ATP8A1: variants seen among roughly 807,000 people sequenced by gnomAD.
ATP8A1 encodes the protein ATPase phospholipid transporting 8A1, also known as phospholipid-transporting ATPase IA.
Under a neutral mutation model 177.7 loss-of-function variants are expected in ATP8A1, and 90 were observed. The observed-to-expected ratio is 0.51, with a 90% CI of 0.43 to 0.60. The LOEUF (loss-of-function observed/expected upper bound fraction) is 0.60. Ranked by LOEUF, ATP8A1 falls within the 20% of genes least tolerant of loss-of-function variation. The pLI is 0.00. For missense variants in ATP8A1, 1,072 were observed against 1,392.8 expected, an observed-to-expected ratio of 0.77 and a Z score of 3.67; for synonymous variants, 493 against 485.9, an observed-to-expected ratio of 1.01 and a Z score of -0.19.
intron 27 of ATP8A1, among the ~76,000 whole-genome samples, chr4:42,458,623 T>C (rs1043463836): frequency 6.6e-6 from 1 of 152,230 alleles, no homozygotes. Context: ...GGCTGTAATT[T>C]ACAGCAATGG....
intron 27 of ATP8A1, 152 bp from the exon 28 acceptor site, chr4:42,455,751 C>G (rs538423384): frequency 8.1e-6 from 6 of 740,352 alleles, no homozygotes; most frequent in East Asian, 5.5e-5. Context: ...GGTTTACTTT[C>G]TGATTGAAAG....
In ATP8A1 at chr4:42,455,301, G is replaced by A. The variant is rs1560342811; in HGVS notation, c.2813C>T (p.Thr938Ile). The change falls in exon 29 of 37, where the codon ACC becomes ATC. Residue 938 changes from threonine to isoleucine, a missense_variant. By Grantham distance (89) the Thr-to-Ile change is moderately conservative (BLOSUM62 -1). This residue lies in a region of ATP8A1 where 316 missense variants were observed against 459.1 expected (regional missense o/e 0.69). Transcript: ENST00000381668. ...KTSQNALDFN[T>I]KVFWVHCLNG... ...AGCCAGGGCACTGTGTCCTACCTTG[G>A]TGTTGAAGTCCAGGGCATTCTGAGA... is the stretch of plus-strand genomic sequence containing the variant. 6.2e-7 allele frequency: 1 copy of A among 1,613,634 alleles called. No homozygotes were observed. The highest frequency in any genetic ancestry group is 8.5e-7 in the Non-Finnish European group (1 of 1,179,664).
intron 1 of ATP8A1, among the ~76,000 whole-genome samples, chr4:42,635,940 G>A (rs911252944): frequency 4.0e-5 from 6 of 151,374 alleles, no homozygotes; most frequent in African/African-American, 1.5e-4. Flanking sequence ...AGATACCACA[G>A]ATTCAGTCCT....
chr4:42,522,786 C>T (rs1726277595), intron 21 of ATP8A1, among the ~76,000 whole-genome samples: 1 of 152,176 alleles, frequency 6.6e-6, no homozygotes, highest in South Asian at 2.1e-4. Flanking sequence ...TAAGACTCAG[C>T]TCTGAAAATC....
chr4:42,530,619 T>C (rs1394705441), intron 20 of ATP8A1, among the ~76,000 whole-genome samples: 1 of 152,226 alleles, frequency 6.6e-6, no homozygotes, highest in Non-Finnish European at 1.5e-5. Flanking sequence ...GGTCTTACCA[T>C]GGAACTCACT....
At chr4:42,479,431 C>G (rs1037591449) in intron 25 of ATP8A1, among the ~76,000 whole-genome samples, 21 of 152,286 alleles carry the variant, frequency 1.4e-4, no homozygotes, top group Middle Eastern at 3.4e-3. Context: ...CAGGGAGAAC[C>G]AGTTACACAA....
chr4:42,489,815 T>G (rs751575940), intron 24 of ATP8A1, among the ~76,000 whole-genome samples: 1 of 151,624 alleles, frequency 6.6e-6, no homozygotes, highest in Non-Finnish European at 1.5e-5. Flanking sequence ...AGCTGTTGTT[T>G]TGTTTTTTTG....
At chr4:42,538,241 A>T (rs1192590768) in intron 20 of ATP8A1, among the ~76,000 whole-genome samples, 1 of 152,218 alleles carries the variant, frequency 6.6e-6, no homozygotes, top group East Asian at 1.9e-4. Context: ...CTGGATCCTC[A>T]TCTGTCATCT....
intron 33 of ATP8A1, among the ~76,000 whole-genome samples, chr4:42,433,317 C>T (rs1715513811): frequency 6.6e-6 from 1 of 152,218 alleles, no homozygotes; most frequent in Non-Finnish European, 1.5e-5. Flanking sequence ...ATGAGCATAA[C>T]AGCTAGCGTC....
chr4:42,550,019 C>T lies in ATP8A1; in HGVS notation c.1603-957G>A, dbSNP rs146146708. Among the ~76,000 whole-genome samples, 63 of 152,076 alleles carry T rather than the reference C, an allele frequency of 4.1e-4. 1 individual carries two copies. The highest frequency in any genetic ancestry group is 1.4e-3 in the African/African-American group (57 of 41,410). On this transcript the variant is annotated intron_variant, in intron 18 of 36. Transcript: ENST00000381668. ...AAATTGTGCAGTGTGGTAATTAGCA[C>T]CCCAATCAAGATATAAAATATTCCC...
chr4:42,483,377 G>GAAA (rs35565389), intron 25 of ATP8A1, among the ~76,000 whole-genome samples: 23 of 134,376 alleles, frequency 1.7e-4, no homozygotes, highest in East Asian at 4.4e-4. Flanking sequence ...TGTGACTTAA[G>GAAA]AAAAAAAAAA....
chr4:42,545,548 A>G (rs1346763927), intron 19 of ATP8A1, among the ~76,000 whole-genome samples: 3 of 152,242 alleles, frequency 2.0e-5, no homozygotes, highest in Non-Finnish European at 2.9e-5. Context: ...GTAACCCAGC[A>G]CATTCCAACA....
intron 14 of ATP8A1, among the ~76,000 whole-genome samples, chr4:42,571,858 T>C (rs1484921959): frequency 1.3e-5 from 2 of 152,160 alleles, no homozygotes; most frequent in Non-Finnish European, 1.5e-5. Context: ...TGAATCCAAT[T>C]TGGGGCGAAG....
intron 22 of ATP8A1, among the ~76,000 whole-genome samples, chr4:42,520,249 AT>A (rs1042162102): frequency 6.6e-5 from 10 of 152,110 alleles, no homozygotes; most frequent in Non-Finnish European, 1.5e-5. Flanking sequence ...TTTCAAATAG[AT>A]TTTTTTATTC....
At chr4:42,570,764 G>A (rs969906319) in intron 14 of ATP8A1, among the ~76,000 whole-genome samples, 1 of 152,172 alleles carries the variant, frequency 6.6e-6, no homozygotes, top group Non-Finnish European at 1.5e-5. Flanking sequence ...ATGTGCCAGT[G>A]CTATAACATC....
intron 1 of ATP8A1, among the ~76,000 whole-genome samples, chr4:42,640,780 G>A (rs145303943): frequency 2.6e-5 from 4 of 152,128 alleles, no homozygotes; most frequent in African/African-American, 9.6e-5. Flanking sequence ...CCATCTCCTG[G>A]CCTGGCCTAG....
At chr4:42,503,229 C>T (rs186526154) in intron 24 of ATP8A1, among the ~76,000 whole-genome samples, 2 of 152,282 alleles carry the variant, frequency 1.3e-5, no homozygotes, top group African/African-American at 2.4e-5. Context: ...CAATATTACG[C>T]AAATCATTTT....
At position 42,574,704 on chromosome 4, in the gene ATP8A1, T is replaced by C. The variant is rs1308181030; in HGVS notation, c.1210A>G (p.Lys404Glu). ...CCAGTTTTGTCAGAAAATATGTATT[T>C]AACCTAAAAAAGTTTAAAATTTCTC... ...SNLNEELGQVKYIFSDKTGTL... is the reference protein window; with the variant it reads ...SNLNEELGQVEYIFSDKTGTL... Residue 404 changes from lysine to glutamate, a missense_variant, in exon 14 of 37, where the codon AAA (lysine) becomes GAA (glutamate). By Grantham distance (56) the Lys-to-Glu change is moderately conservative. Transcript: ENST00000381668. 1 of 1,597,754 alleles carries C rather than the reference T, an allele frequency of 6.3e-7. No individual in the cohort carries two copies. Among genetic ancestry groups the C allele is most frequent in the African/African-American group, 1.4e-5 (1 of 73,794 alleles).
intron 25 of ATP8A1, among the ~76,000 whole-genome samples, chr4:42,471,305 C>G (rs1398881833): frequency 1.3e-5 from 2 of 152,150 alleles, no homozygotes; most frequent in Non-Finnish European, 2.9e-5. Context: ...ATATACTGTG[C>G]AGTCATAGGC....
Sources: gnomAD v4.1 joint callset for allele counts (sites outside exome capture counted in the v4.1 genomes callset) on GRCh38, gnomAD v4.1.1 for gene constraint, gnomAD v4.1.1 regional missense constraint, MANE v1.5 for transcripts, NCBI Gene and HGNC (gene_info 2026-07-23, HGNC 2026-07-21) for gene names.